SEMA3E: variants seen among roughly 807,000 people sequenced by gnomAD.
The protein encoded by SEMA3E is semaphorin-3E.
In SEMA3E, 49 loss-of-function variants were observed where a neutral mutation model predicts 93.6. The observed-to-expected ratio is 0.52, with a 90% CI of 0.42 to 0.66. SEMA3E has a LOEUF of 0.66. Ranked by LOEUF, SEMA3E falls within the 30% of genes least tolerant of loss-of-function variation. The pLI is 0.00. For missense variants in SEMA3E, 906 were observed against 964.8 expected, an observed-to-expected ratio of 0.94 and a Z score of 0.81; for synonymous variants, 363 against 330.7, an observed-to-expected ratio of 1.10 and a Z score of -1.06.
intron 4 of SEMA3E, among the ~76,000 whole-genome samples, chr7:83,436,750 A>T (rs370071277): frequency 5.9e-5 from 9 of 152,288 alleles, no homozygotes; most frequent in African/African-American, 7.2e-5. Context: ...TTTTGTTGTT[A>T]TTCTACAGTT....
chr7:83,454,272 A>AAATAT (rs1257792756), intron 4 of SEMA3E, among the ~76,000 whole-genome samples: 8 of 110,106 alleles, frequency 7.3e-5, no homozygotes, highest in East Asian at 2.3e-4. Context: ...AAAAAAAAAA[A>AAATAT]ATATATATAT....
intron 4 of SEMA3E, among the ~76,000 whole-genome samples, chr7:83,426,852 G>A (rs1462879122): frequency 2.0e-5 from 3 of 151,924 alleles, no homozygotes; most frequent in Admixed American, 6.6e-5. Context: ...AAACTGATTA[G>A]ATTAGTAGAA....
chr7:83,444,083 T>G (rs1258910793), intron 4 of SEMA3E, among the ~76,000 whole-genome samples: 1 of 152,150 alleles, frequency 6.6e-6, no homozygotes, highest in East Asian at 1.9e-4. Context: ...AAATCCAAAT[T>G]AATCATTGAA....
chr7:83,535,404 T>C (rs1288215569), intron 1 of SEMA3E, among the ~76,000 whole-genome samples: 4 of 16,204 alleles, frequency 2.5e-4, no homozygotes, highest in Admixed American at 5.7e-4. Flanking sequence ...AAAAAGTTAC[T>C]TTTTTTTCAA....
chr7:83,456,832 T>C (rs1320348702), intron 4 of SEMA3E, among the ~76,000 whole-genome samples: 1 of 152,076 alleles, frequency 6.6e-6, no homozygotes, highest in African/African-American at 2.4e-5. Context: ...CAGGCTGGTC[T>C]TGAACTCCTG....
At chr7:83,421,414 C>T (rs2713143) in intron 4 of SEMA3E, among the ~76,000 whole-genome samples, 93,777 of 140,174 alleles carry the variant, frequency 0.67, 38,057 homozygotes, top group South Asian at 0.86. Context: ...CTTAATGTTT[C>T]CAGGTTTCAA....
intron 1 of SEMA3E, among the ~76,000 whole-genome samples, chr7:83,612,952 G>A (rs1046975381): frequency 7.2e-5 from 11 of 151,994 alleles, no homozygotes; most frequent in Admixed American, 6.6e-4. Context: ...GATTCAGCCA[G>A]TACAGACACT....
chr7:83,510,072 T>A (rs1790785609), intron 1 of SEMA3E, among the ~76,000 whole-genome samples: 1 of 151,914 alleles, frequency 6.6e-6, no homozygotes, highest in Non-Finnish European at 1.5e-5. Context: ...AACATATTAA[T>A]AATGGATGTA....
At chr7:83,416,706 A>G (rs1286288497) in intron 5 of SEMA3E, among the ~76,000 whole-genome samples, 1 of 152,076 alleles carries the variant, frequency 6.6e-6, no homozygotes, top group Admixed American at 6.6e-5. Flanking sequence ...GCAAGATACT[A>G]TATGGCACAA....
At chr7:83,575,946 G>A (rs777464253) in intron 1 of SEMA3E, among the ~76,000 whole-genome samples, 1 of 152,086 alleles carries the variant, frequency 6.6e-6, no homozygotes, top group Non-Finnish European at 1.5e-5. Flanking sequence ...AGGTGGTGAA[G>A]CATTTATTGA....
chr7:83,518,969 T>C (rs1790989214), intron 1 of SEMA3E, among the ~76,000 whole-genome samples: 1 of 152,100 alleles, frequency 6.6e-6, no homozygotes, highest in African/African-American at 2.4e-5. Flanking sequence ...CTTTCTTTCT[T>C]TTTATTTTAT....
chr7:83,507,078 T>C (rs1562811546), intron 1 of SEMA3E, among the ~76,000 whole-genome samples: 1 of 152,146 alleles, frequency 6.6e-6, no homozygotes, highest in Non-Finnish European at 1.5e-5. Flanking sequence ...AAGAGCAAAA[T>C]TCATTACCAT....
At chr7:83,455,754 C>A (rs1186698453) in intron 4 of SEMA3E, among the ~76,000 whole-genome samples, 1 of 152,208 alleles carries the variant, frequency 6.6e-6, no homozygotes, top group Non-Finnish European at 1.5e-5. Context: ...AAGTATGCAG[C>A]CATGTTATGA....
intron 5 of SEMA3E, among the ~76,000 whole-genome samples, chr7:83,409,324 A>T (rs1287098192): frequency 2.6e-5 from 4 of 152,138 alleles, no homozygotes; most frequent in Non-Finnish European, 4.4e-5. Context: ...CCCAAAACTC[A>T]CAAGAGGTAA....
intron 9 of SEMA3E, among the ~76,000 whole-genome samples, chr7:83,403,904 A>G (rs568209117): frequency 3.9e-5 from 6 of 151,966 alleles, no homozygotes; most frequent in African/African-American, 1.4e-4. Context: ...TTTTGTTCTC[A>G]GATTTATATA....
intron 1 of SEMA3E, among the ~76,000 whole-genome samples, chr7:83,528,024 T>C (rs2115713481): frequency 6.6e-6 from 1 of 152,164 alleles, no homozygotes; most frequent in Non-Finnish European, 1.5e-5. Flanking sequence ...AAAATGATTA[T>C]TTGATTTACA....
intron 1 of SEMA3E, among the ~76,000 whole-genome samples, chr7:83,496,219 G>A (rs1790489246): frequency 1.3e-5 from 2 of 151,912 alleles, no homozygotes; most frequent in African/African-American, 4.8e-5. Context: ...AAGTTGACTG[G>A]AGAGCTTTGT....
intron 1 of SEMA3E, among the ~76,000 whole-genome samples, chr7:83,613,148 G>A (rs764272006): frequency 2.5e-4 from 38 of 151,974 alleles, no homozygotes; most frequent in Non-Finnish European, 4.7e-4. Context: ...ATTTCTATTC[G>A]TATTTGAAAA....
chr7:83,405,832 A>G (rs1788318394), intron 8 of SEMA3E, 113 bp downstream of exon 8: 2 of 848,772 alleles, frequency 2.4e-6, no homozygotes, highest in Admixed American at 2.0e-5. Flanking sequence ...AACTTGCTCT[A>G]TGTTAGATAG....
Sources: allele counts gnomAD v4.1 joint callset (sites outside exome capture counted in the v4.1 genomes callset), GRCh38; gene constraint gnomAD v4.1.1; transcripts MANE v1.5; gene names NCBI Gene and HGNC (gene_info 2026-07-23, HGNC 2026-07-21).